Variants in SLC2A11 observed in about 807,000 individuals in gnomAD.
The protein encoded by SLC2A11 is solute carrier family 2 member 11.
In SLC2A11, 43 loss-of-function variants were observed where a neutral mutation model predicts 52.1. The ratio of observed to expected loss-of-function variants is 0.82; its 90% CI spans 0.65 to 1.06. SLC2A11 has a LOEUF of 1.06. Ranked by LOEUF, SLC2A11 falls within the 50% of genes least tolerant of loss-of-function variation. SLC2A11 has a pLI of 0.00. For missense variants in SLC2A11, 582 were observed against 654.2 expected (o/e 0.89, Z 1.20); for synonymous variants, 261 against 277.6 (o/e 0.94, Z 0.59).
chr22:23,876,993 T>G, intron 4 of SLC2A11, 49 bp from the exon 5 acceptor site: 1 of 1,611,746 alleles, frequency 6.2e-7, no homozygotes, highest in Non-Finnish European at 8.5e-7. Flanking sequence ...TGTCGTGGAG[T>G]GGGGGTCCCA....
intron 6 of SLC2A11, 89 bp downstream of exon 6, chr22:23,877,958 T>G (rs2032679174): frequency 7.1e-7 from 1 of 1,418,288 alleles, no homozygotes; most frequent in Non-Finnish European, 9.4e-7. Flanking sequence ...ATAGGTTTCA[T>G]TTATCAAGGA....
At chr22:23,878,394 C>CG (rs1312843918) in intron 6 of SLC2A11, among the ~76,000 whole-genome samples, 1 of 152,126 alleles carries the variant, frequency 6.6e-6, no homozygotes, top group Non-Finnish European at 1.5e-5. Flanking sequence ...GCTGGTTGGC[C>CG]GGTCTAGGCT....
intron 4 of SLC2A11, among the ~76,000 whole-genome samples, chr22:23,876,535 G>T (rs2032616510): frequency 6.6e-6 from 1 of 152,164 alleles, no homozygotes; most frequent in East Asian, 1.9e-4. Context: ...GGAGGGCGCT[G>T]GGGTGCTCTC....
In SLC2A11 at chr22:23,882,460, A is replaced by T. The variant is rs2032845848; in HGVS notation, c.696A>T (p.Ala232=). The change falls in exon 7 of 12, where the codon GCA becomes GCT. Residue 232 remains alanine, a splice_region_variant and synonymous_variant. Coordinates refer to ENST00000316185, the MANE Select transcript of SLC2A11 (RefSeq NM_001024939.4). The stretch of plus-strand genomic sequence containing the variant: ...TCAGTACCCTCCTCCCTGGCTCAGC[A>T]CTACGGCGGCTCCGGGGCTCCGGGG... ...DCGDTEACLA[A]LRRLRGSGDL... 4.6e-6 allele frequency: 7 copies of T among 1,537,072 alleles called. No homozygotes were observed. The East Asian group carries it at 1.7e-4, about 38-fold the overall frequency.
intron 1 of SLC2A11, among the ~76,000 whole-genome samples, chr22:23,858,752 A>G (rs1401314419): frequency 6.6e-6 from 1 of 152,084 alleles, no homozygotes; most frequent in Non-Finnish European, 1.5e-5. Context: ...TGGTCCAAAC[A>G]CTTCCTACGC....
upstream of SLC2A11, chr22:23,857,645 C>T (rs2031894517): frequency 1.8e-6 from 2 of 1,123,926 alleles, no homozygotes; most frequent in Non-Finnish European, 2.5e-6. Flanking sequence ...CCCAGCCCTT[C>T]TTAAAAACGC....
rs561698981 is a variant in SLC2A11 at position 23,862,348 on chromosome 22, C to T, written c.129+146C>T. ...CATTGGGTTGGCCCACAGGTTCCTGCAGGTTCAAACTGAGCATACATCTTC... is the reference window on the plus strand; with the variant it reads ...CATTGGGTTGGCCCACAGGTTCCTGTAGGTTCAAACTGAGCATACATCTTC... On this transcript the variant is annotated intron_variant, in intron 2 of 11. Transcript: ENST00000316185. 3.0e-5 allele frequency: 20 copies of T among 674,640 alleles called. No individual in the cohort carries two copies. In the East Asian group the frequency reaches 4.7e-4, roughly 16 times the overall value. The allele number at this position is 674,640 out of a possible 1,614,324, so 41.8% of individuals were successfully genotyped here.
At chr22:23,879,669 A>T (rs542372749) in intron 6 of SLC2A11, 1 of 151,694 alleles carries the variant, frequency 6.6e-6, no homozygotes, top group South Asian at 2.1e-4. Context: ...ATTGATGCTG[A>T]ACTTAGTGCA....
chr22:23,877,868 A>G lies in SLC2A11; in HGVS notation c.693A>G (p.Ala231=). The G allele has an allele frequency of 6.2e-7, 1 of 1,609,808 alleles. No homozygotes were observed. Among genetic ancestry groups the G allele is most frequent in the Non-Finnish European group, 8.5e-7 (1 of 1,177,776 alleles). ...IDCGDTEACL[A]ALRRLRGSGD... is the part of the protein sequence containing the mutation. ...GTGGAGACACCGAGGCCTGCCTGGCAGGTGAGTCTCTGTCCTTGGGCTCCC... is the reference window on the plus strand; with the variant it reads ...GTGGAGACACCGAGGCCTGCCTGGCGGGTGAGTCTCTGTCCTTGGGCTCCC... The change falls in exon 6 of 12, where the codon GCA becomes GCG. Residue 231 remains alanine, a splice_region_variant and synonymous_variant. Transcript: ENST00000316185.
chr22:23,867,488 G>A (rs1302664722), intron 2 of SLC2A11: 3 of 322,632 alleles, frequency 9.3e-6, no homozygotes, highest in East Asian at 7.8e-5. Context: ...GTGAGCCACC[G>A]TGCCTGGCCA....
At chr22:23,860,626 C>T (rs983432407) in intron 1 of SLC2A11, among the ~76,000 whole-genome samples, 1 of 150,672 alleles carries the variant, frequency 6.6e-6, no homozygotes, top group Non-Finnish European at 1.5e-5. Flanking sequence ...CCCAGCTACT[C>T]GGGAGGCTGA....
intron 5 of SLC2A11, 79 bp downstream of exon 5, chr22:23,877,250 AC>A: frequency 6.4e-7 from 1 of 1,566,916 alleles, no homozygotes; most frequent in South Asian, 1.2e-5. Flanking sequence ...TGTCTCCCCT[AC>A]CCACTAGTAG....
chr22:23,884,328 G>A lies in SLC2A11; in HGVS notation c.1198G>A (p.Glu400Lys). Residue 400 changes from glutamate to lysine, a missense_variant, in exon 11 of 12, where the codon GAG becomes AAG. Transcript: ENST00000316185. This position sits in a 1 kb window ranked among gnomAD's most constrained non-coding sequence, Gnocchi z 4.3. Reference protein sequence around the residue: ...PAGVTGILATELFDQMARPAA... With the variant: ...PAGVTGILATKLFDQMARPAA... The stretch of plus-strand genomic sequence containing the variant: ...CGGAGTGACGGGGATCCTGGCCACA[G>A]AGCTGTTTGACCAGATGGCCAGGCC... 2 of 1,613,984 alleles carry A rather than the reference G, an allele frequency of 1.2e-6. No homozygotes were observed. The highest frequency in any genetic ancestry group is 2.2e-5 in the East Asian group (1 of 44,866).
chr22:23,857,062 G>T, upstream of SLC2A11: 3 of 686,610 alleles, frequency 4.4e-6, no homozygotes, highest in Non-Finnish European at 6.4e-6. Flanking sequence ...CTGAACCAAA[G>T]TGTGTGTGTG....
intron 2 of SLC2A11, chr22:23,867,782 T>C (rs1265773135): frequency 2.1e-6 from 1 of 469,984 alleles, no homozygotes; most frequent in East Asian, 6.9e-5. Context: ...GCTGGGAAGG[T>C]GGTGCTCCTG....
At chr22:23,857,681 C>A, upstream of SLC2A11, 1 of 1,132,278 alleles carries the variant, frequency 8.8e-7, no homozygotes, top group South Asian at 1.5e-5. Context: ...GCCTCAGGCG[C>A]CCTCCGCGAC....
Position 23,882,821 on chromosome 22 carries a change from C to T in SLC2A11, c.945C>T (p.Tyr315=), listed in dbSNP as rs780208497. The T allele has an allele frequency of 5.1e-5, 82 of 1,613,814 alleles. No individual in the cohort carries two copies. The highest frequency in any genetic ancestry group is 6.1e-5 in the Non-Finnish European group (72 of 1,179,892). Residue 315 remains tyrosine (Y), a synonymous_variant, in exon 8 of 12, where the codon TAC becomes TAT. Coordinates refer to ENST00000316185, the MANE Select transcript of SLC2A11 (RefSeq NM_001024939.4). ...GAGTGCCGGAAGCGAAGATCCAGTA[C>T]GCGATCATCGGGACTGGGAGCTGCG... ...KAGVPEAKIQ[Y]AIIGTGSCEL...
Position 23,885,233 on chromosome 22 carries a change from C to A in SLC2A11, c.*384C>A. ...AGCTGGGCATGGTGGTATGTGCTAA[C>A]AGCTCTAGCTACTCAGGAGGCTGAG... On this transcript the variant is annotated 3_prime_UTR_variant, in exon 12 of 12. Coordinates refer to ENST00000316185, the MANE Select transcript of SLC2A11 (RefSeq NM_001024939.4). The A allele has an allele frequency of 2.8e-6, 1 of 354,764 alleles. No individual in the cohort carries two copies. The highest frequency in any genetic ancestry group is 5.0e-6 in the Non-Finnish European group (1 of 198,242). The allele number at this position is 354,764 out of a possible 1,614,324, so 22.0% of individuals were successfully genotyped here. A position where few individuals can be genotyped will look rare whatever the true frequency, so the allele number is the denominator to read the frequency against.
intron 8 of SLC2A11, 72 bp from the exon 9 acceptor site, chr22:23,883,700 C>T (rs2032904171): frequency 1.6e-6 from 2 of 1,286,592 alleles, no homozygotes; most frequent in Non-Finnish European, 2.1e-6. Context: ...TCAGGAGACC[C>T]CTTCCCATTG....
Sources: allele counts gnomAD v4.1 joint callset (sites outside exome capture counted in the v4.1 genomes callset), GRCh38; gene constraint gnomAD v4.1.1; non-coding constraint Gnocchi (gnomAD v3.1); transcripts MANE v1.5; gene names NCBI Gene and HGNC (gene_info 2026-07-23, HGNC 2026-07-21).